The following FGD5 variants were observed in gnomAD, a reference collection of about 807,000 sequenced individuals.
FGD5 encodes the protein FYVE, RhoGEF and PH domain-containing protein 5.
In FGD5, 28 loss-of-function variants were observed where a neutral mutation model predicts 133.4. The ratio of observed to expected loss-of-function variants is 0.21; its 90% CI spans 0.16 to 0.29. The LOEUF (loss-of-function observed/expected upper bound fraction) is 0.29, where lower values mean the gene tolerates loss of function less well. FGD5 is among the 10% of genes least tolerant of loss of function. FGD5 has a pLI of 1.00. For synonymous variants in FGD5, 810 were observed against 776.5 expected (o/e 1.04, Z -0.72); for missense variants, 1,858 against 1,895.2 (o/e 0.98, Z 0.36).
intron 18 of FGD5, among the ~76,000 whole-genome samples, chr3:14,928,818 A>G (rs1478421877): frequency 2.0e-5 from 3 of 152,114 alleles, no homozygotes; most frequent in African/African-American, 7.2e-5. Context: ...CATTTCCTAC[A>G]TTTCTTTTAT....
intron 18 of FGD5, among the ~76,000 whole-genome samples, chr3:14,928,385 A>G (rs2038849802): frequency 6.6e-6 from 1 of 151,962 alleles, no homozygotes; most frequent in Admixed American, 6.6e-5. Context: ...TTTTTTCAAC[A>G]TTTTATTCTT....
At chr3:14,874,730 A>G (rs1236816656) in intron 2 of FGD5, among the ~76,000 whole-genome samples, 1 of 152,224 alleles carries the variant, frequency 6.6e-6, no homozygotes, top group Non-Finnish European at 1.5e-5. Context: ...GTGTTCCAAG[A>G]TAGCATGCTG....
At chr3:14,902,253 G>C (rs899195119) in intron 9 of FGD5, among the ~76,000 whole-genome samples, 3 of 148,606 alleles carry the variant, frequency 2.0e-5, no homozygotes, top group African/African-American at 7.5e-5. Flanking sequence ...TTGCACTCCA[G>C]CCTGGGTGAC....
intron 1 of FGD5, among the ~76,000 whole-genome samples, chr3:14,835,222 G>T (rs954999707): frequency 1.3e-5 from 2 of 152,248 alleles, no homozygotes; most frequent in Admixed American, 6.5e-5. Flanking sequence ...TACAGGCAGG[G>T]CGAGGTGGCT....
At chr3:14,853,233 G>A (rs1360904263) in intron 1 of FGD5, among the ~76,000 whole-genome samples, 1 of 152,224 alleles carries the variant, frequency 6.6e-6, no homozygotes, top group Non-Finnish European at 1.5e-5. Context: ...GGGAAGTCCT[G>A]GAGGGACTGT....
At position 14,819,538 on chromosome 3, in the gene FGD5, C is replaced by T; in HGVS notation, c.467C>T (p.Thr156Ile). Reference sequence around the variant, plus strand: ...GAGGGCTGCGCTGATGAGCCAGGGACACTGGAGCAGGTGTCCAGAAGTGAG... The same window carrying T: ...GAGGGCTGCGCTGATGAGCCAGGGATACTGGAGCAGGTGTCCAGAAGTGAG... The part of the protein sequence containing the change: ...EGEGCADEPG[T>I]LEQVSRSEEE... Residue 156 changes from threonine to isoleucine, a missense_variant, in exon 1 of 20, where the codon ACA becomes ATA. Transcript: ENST00000285046. The surrounding 1 kb of genome is among the most constrained non-coding windows in gnomAD (Gnocchi z 4.1). The T allele has an allele frequency of 6.4e-7, 1 of 1,551,446 alleles. No homozygotes were observed.
chr3:14,875,220 T>C (rs745983598), intron 2 of FGD5, among the ~76,000 whole-genome samples: 7 of 152,112 alleles, frequency 4.6e-5, no homozygotes, highest in South Asian at 2.1e-4. Context: ...GGCCCCTTCA[T>C]TGGGACCCTC....
chr3:14,826,002 T>A (rs921773919), intron 1 of FGD5, among the ~76,000 whole-genome samples: 2 of 151,542 alleles, frequency 1.3e-5, no homozygotes, highest in African/African-American at 4.9e-5. Flanking sequence ...ATACCTGTTT[T>A]ATGCAAAACA....
At chr3:14,834,402 T>C (rs2036775334) in intron 1 of FGD5, among the ~76,000 whole-genome samples, 1 of 152,192 alleles carries the variant, frequency 6.6e-6, no homozygotes, top group Non-Finnish European at 1.5e-5. Context: ...TTGTGAGGAC[T>C]GAATGAGTTA....
At position 14,819,341 on chromosome 3, in the gene FGD5, G is replaced by A. The variant is rs763484767; in HGVS notation, c.270G>A (p.Val90=). 7.1e-6 allele frequency: 11 copies of A among 1,545,514 alleles called. No homozygotes were observed. The highest frequency in any genetic ancestry group is 9.6e-6 in the Non-Finnish European group (11 of 1,143,962). The part of the protein sequence containing the change: ...DEGSVGNKAL[V]SPESSAEEEE... ...GCAGTGTGGGGAACAAAGCCCTGGT[G>A]TCTCCCGAGTCCTCTGCGGAAGAGG... The change falls in exon 1 of 20, where the codon GTG becomes GTA. Residue 90 remains valine (V), a synonymous_variant. Transcript: ENST00000285046. The surrounding 1 kb of genome is among the most constrained non-coding windows in gnomAD (Gnocchi z 4.1).
intron 8 of FGD5, 150 bp downstream of exon 8, chr3:14,900,603 T>A: frequency 1.2e-6 from 1 of 852,072 alleles, no homozygotes; most frequent in Non-Finnish European, 1.9e-6. Context: ...CTTGGACTTC[T>A]GTGAGAGCCC....
intron 1 of FGD5, among the ~76,000 whole-genome samples, chr3:14,837,926 C>T (rs2036848382): frequency 1.3e-5 from 2 of 152,216 alleles, no homozygotes; most frequent in Admixed American, 1.3e-4. Flanking sequence ...TGGCAATTTG[C>T]CATAAATTTA....
chr3:14,900,316 T>C (rs575602757), intron 7 of FGD5, 87 bp from the exon 8 acceptor site: 2 of 1,356,768 alleles, frequency 1.5e-6, no homozygotes, highest in Admixed American at 3.8e-5. Flanking sequence ...TTCTTCCAAC[T>C]CTGGCAAGAG....
At chr3:14,865,372 C>G (rs1388415736) in intron 2 of FGD5, among the ~76,000 whole-genome samples, 1 of 152,226 alleles carries the variant, frequency 6.6e-6, no homozygotes, top group East Asian at 1.9e-4. Flanking sequence ...ATCTCATTTT[C>G]TCTCCACAAA....
At chr3:14,852,579 G>A (rs1178863122) in intron 1 of FGD5, among the ~76,000 whole-genome samples, 1 of 152,110 alleles carries the variant, frequency 6.6e-6, no homozygotes, top group East Asian at 1.9e-4. Context: ...CATGATATGT[G>A]ACTCATATCT....
Position 14,922,316 on chromosome 3 carries a change from C to G in FGD5, c.3670-95C>G. 1.3e-6 allele frequency: 2 copies of G among 1,508,002 alleles called. No individual in the cohort carries two copies. Among genetic ancestry groups the G allele is most frequent in the Non-Finnish European group, 1.8e-6 (2 of 1,117,302 alleles). The allele number at this position is 1,508,002 out of a possible 1,614,324, so 93.4% of individuals were successfully genotyped here. On this transcript the variant is annotated intron_variant, in intron 14 of 19. Coordinates refer to ENST00000285046, the MANE Select transcript of FGD5 (RefSeq NM_152536.4). This position sits in a 1 kb window ranked among gnomAD's most constrained non-coding sequence, Gnocchi z 4.1. ...ACCCACTCACCCACACATCACACACCCTGCACAGAGACGCAGGGCAGGGCT... is the reference window on the plus strand; with the variant it reads ...ACCCACTCACCCACACATCACACACGCTGCACAGAGACGCAGGGCAGGGCT...
chr3:14,835,507 AAAAG>A (rs1363026695), intron 1 of FGD5, among the ~76,000 whole-genome samples: 2 of 133,118 alleles, frequency 1.5e-5, no homozygotes, highest in Non-Finnish European at 3.3e-5. Context: ...CTCAAAAAAA[AAAAG>A]AAAAGAAAAG....
chr3:14,909,805 G>T (rs1271234073), intron 10 of FGD5, among the ~76,000 whole-genome samples: 1 of 144,168 alleles, frequency 6.9e-6, no homozygotes, highest in Non-Finnish European at 1.5e-5. Flanking sequence ...CTGTTGCCCA[G>T]ACTGGAGTGC....
chr3:14,847,621 T>G lies in FGD5; in HGVS notation c.2526-16507T>G, dbSNP rs181110050. On this transcript the variant is annotated intron_variant, in intron 1 of 19. Coordinates refer to ENST00000285046, the MANE Select transcript of FGD5 (RefSeq NM_152536.4). ...CACAGCAACCTAATGAGGTCTGTAC[T>G]GTTACTATCCCTGCTTTACTGATGA... 1.8e-3 allele frequency among the ~76,000 whole-genome samples: 269 copies of G among 152,366 alleles called. 3 individuals carry two copies. Among genetic ancestry groups the G allele is most frequent in the Admixed American group, 0.017 (256 of 15,310 alleles).
Sources: gnomAD v4.1 joint callset for allele counts (sites outside exome capture counted in the v4.1 genomes callset) on GRCh38, gnomAD v4.1.1 for gene constraint, Gnocchi (gnomAD v3.1) non-coding constraint, MANE v1.5 for transcripts, NCBI Gene and HGNC (gene_info 2026-07-23, HGNC 2026-07-21) for gene names.